The following RDH12 variants were observed in gnomAD, a reference collection of about 807,000 sequenced individuals.
RDH12 encodes the protein all-trans and 9-cis retinol dehydrogenase.
A neutral mutation model predicts 34.0 loss-of-function variants in RDH12; 21 were observed. The observed-to-expected ratio is 0.62, with a 90% CI of 0.44 to 0.89. The LOEUF (loss-of-function observed/expected upper bound fraction) is 0.89, where lower values mean the gene tolerates loss of function less well. Among genes scored for constraint, RDH12 ranks in the 40% least tolerant of loss-of-function variants. RDH12 has a pLI of 0.00. For synonymous variants in RDH12, 198 were observed against 169.9 expected, an observed-to-expected ratio of 1.17 and a Z score of -1.29; for missense variants, 394 against 398.6, an observed-to-expected ratio of 0.99 and a Z score of 0.10.
intron 1 of RDH12, among the ~76,000 whole-genome samples, chr14:67,705,310 A>G (rs2037939515): frequency 6.6e-6 from 1 of 152,270 alleles, no homozygotes; most frequent in African/African-American, 2.4e-5. Flanking sequence ...TAAGACAATC[A>G]GTAACACTTC....
At chr14:67,719,372 T>C (rs12889527) in intron 1 of RDH12, among the ~76,000 whole-genome samples, 19,231 of 152,282 alleles carry the variant, frequency 0.13, 1,481 homozygotes, top group South Asian at 0.33. Flanking sequence ...AGACAGGATG[T>C]AAGCCATCAG....
At chr14:67,725,485 C>T (rs1221782669) in intron 5 of RDH12, among the ~76,000 whole-genome samples, 1 of 152,198 alleles carries the variant, frequency 6.6e-6, no homozygotes, top group Non-Finnish European at 1.5e-5. Flanking sequence ...GGTGTTAGCT[C>T]CCTGTCTGGG....
intron 1 of RDH12, among the ~76,000 whole-genome samples, chr14:67,710,762 AT>A (rs1168371419): frequency 6.6e-6 from 1 of 151,686 alleles, no homozygotes; most frequent in African/African-American, 2.4e-5. Context: ...CTACAATTAT[AT>A]TTTTATTAGA....
intron 1 of RDH12, among the ~76,000 whole-genome samples, chr14:67,704,714 G>A (rs1179003010): frequency 2.0e-5 from 3 of 152,132 alleles, no homozygotes; most frequent in African/African-American, 7.2e-5. Context: ...AATCACCAGG[G>A]AAACAATTTA....
intron 1 of RDH12, among the ~76,000 whole-genome samples, chr14:67,706,635 T>C (rs1462881891): frequency 6.6e-6 from 1 of 152,238 alleles, no homozygotes; most frequent in African/African-American, 2.4e-5. Context: ...GATACGCATT[T>C]ATCTTAGTGA....
chr14:67,727,442 C>A, intron 7 of RDH12: 5 of 442,410 alleles, frequency 1.1e-5, no homozygotes, highest in Non-Finnish European at 1.7e-5. Context: ...ATTTGATTTT[C>A]ACAGTAGCTT....
intron 3 of RDH12, among the ~76,000 whole-genome samples, chr14:67,723,725 T>G (rs1325201088): frequency 6.6e-6 from 1 of 152,198 alleles, no homozygotes; most frequent in Non-Finnish European, 1.5e-5. Context: ...TAAAATAAAT[T>G]ACATATGGAA....
At chr14:67,732,429 CAAA>C (rs11310522) in intron 8 of RDH12, among the ~76,000 whole-genome samples, 25 of 126,470 alleles carry the variant, frequency 2.0e-4, no homozygotes, top group Non-Finnish European at 1.8e-4. Context: ...GACCCTATCT[CAAA>C]AAAAAAAAAA....
At chr14:67,704,958 A>G (rs551205310) in intron 1 of RDH12, among the ~76,000 whole-genome samples, 8 of 152,248 alleles carry the variant, frequency 5.3e-5, no homozygotes, top group Non-Finnish European at 1.0e-4. Context: ...GTGCTGGCAC[A>G]TGCACAAAGG....
chr14:67,731,012 G>T (rs1296530115), intron 8 of RDH12, among the ~76,000 whole-genome samples: 1 of 151,790 alleles, frequency 6.6e-6, no homozygotes, highest in Non-Finnish European at 1.5e-5. Flanking sequence ...TTTTTATATT[G>T]ATTGCATGCT....
intron 1 of RDH12, among the ~76,000 whole-genome samples, chr14:67,707,489 C>T (rs748313115): frequency 1.3e-5 from 2 of 152,030 alleles, no homozygotes; most frequent in Admixed American, 6.6e-5. Context: ...AGTGCAGTGG[C>T]GTGATCTCAG....
chr14:67,719,632 G>A (rs1410825097), intron 1 of RDH12, among the ~76,000 whole-genome samples: 1 of 151,892 alleles, frequency 6.6e-6, no homozygotes, highest in Non-Finnish European at 1.5e-5. Context: ...GTGCCACCAG[G>A]CCAGCTAATT....
rs2038169380 is a variant in RDH12 at position 67,725,102 on chromosome 14, C to T, written c.191C>T (p.Ala64Val). ...TCTTTTTTTGTCTTGGACCCAGGAG[C>T]CCGAGTCTATATTGCCTGCAGAGAT... The part of the protein sequence containing the change: ...ETARELASRG[A>V]RVYIACRDVL... The change falls in exon 5 of 9, where the codon GCC becomes GTC. Residue 64 changes from alanine to valine, a missense_variant. By Grantham distance (64) the Ala-to-Val change is moderately conservative. Coordinates refer to ENST00000551171, the MANE Select transcript of RDH12 (RefSeq NM_152443.3). 1 of 1,614,156 alleles carries T rather than the reference C, an allele frequency of 6.2e-7. No homozygotes were observed. The highest frequency in any genetic ancestry group is 1.7e-5 in the Admixed American group (1 of 60,020).
intron 7 of RDH12, 103 bp downstream of exon 7, chr14:67,727,293 T>G (rs1594866344): frequency 3.6e-6 from 3 of 835,856 alleles, no homozygotes; most frequent in Non-Finnish European, 5.9e-6. Flanking sequence ...GTGTCAGTAA[T>G]ATCTCTGTGG....
intron 3 of RDH12, 58 bp from the exon 4 acceptor site, chr14:67,724,415 A>C: frequency 3.3e-6 from 3 of 919,804 alleles, no homozygotes; most frequent in African/African-American, 1.7e-5. Context: ...TTTTTAACGT[A>C]TCTTAGTGTG....
At chr14:67,723,600 C>G (rs540927287) in intron 3 of RDH12, among the ~76,000 whole-genome samples, 12 of 152,272 alleles carry the variant, frequency 7.9e-5, no homozygotes, top group African/African-American at 2.6e-4. Flanking sequence ...TCTAGGTTCT[C>G]CATAGAGATC....
intron 3 of RDH12, among the ~76,000 whole-genome samples, chr14:67,723,205 G>T (rs1052774909): frequency 6.6e-6 from 1 of 152,168 alleles, no homozygotes; most frequent in Non-Finnish European, 1.5e-5. Context: ...ATTTCTAGAG[G>T]TGTCAAATAA....
At chr14:67,717,363 A>G (rs2038079682) in intron 1 of RDH12, among the ~76,000 whole-genome samples, 1 of 152,190 alleles carries the variant, frequency 6.6e-6, no homozygotes, top group South Asian at 2.1e-4. Flanking sequence ...AGGTAAACAG[A>G]ATTAAGCTGG....
intron 1 of RDH12, among the ~76,000 whole-genome samples, chr14:67,706,794 G>A (rs1387194943): frequency 6.6e-6 from 1 of 152,084 alleles, no homozygotes; most frequent in African/African-American, 2.4e-5. Context: ...TCTGGAGAAA[G>A]CATTTTAGAA....
Sources: gnomAD v4.1 joint callset for allele counts (sites outside exome capture counted in the v4.1 genomes callset) on GRCh38, gnomAD v4.1.1 for gene constraint, MANE v1.5 for transcripts, NCBI Gene and HGNC (gene_info 2026-07-23, HGNC 2026-07-21) for gene names.